Variants in PTGDS observed in about 807,000 individuals in gnomAD.
PTGDS encodes the protein prostaglandin-H2 D-isomerase.
In PTGDS, 21 loss-of-function variants were observed where a neutral mutation model predicts 28.4. That is an observed-to-expected ratio of 0.74 (90% CI 0.52 to 1.07). The LOEUF (loss-of-function observed/expected upper bound fraction) is 1.07. Among genes scored for constraint, PTGDS ranks in the 50% least tolerant of loss-of-function variants. The pLI is 0.00. For synonymous variants in PTGDS, 102 were observed against 106.0 expected, an observed-to-expected ratio of 0.96 and a Z score of 0.23; for missense variants, 243 against 247.7, an observed-to-expected ratio of 0.98 and a Z score of 0.13.
chr9:136,979,650 G>C lies in PTGDS; in HGVS notation c.332-296G>C, dbSNP rs139484335. ...CCAGGGGTTTCCTCACTCCCACCTG[G>C]GGAATGGCTCCCACGGGGAAACCTC... On this transcript the variant is annotated intron_variant, in intron 3 of 6. Coordinates refer to ENST00000371625, the MANE Select transcript of PTGDS (RefSeq NM_000954.6). 354 of 620,578 alleles carry C rather than the reference G, an allele frequency of 5.7e-4. 3 individuals carry two copies. The East Asian group carries it at 0.01, about 18-fold the overall frequency. The allele number at this position is 620,578 out of a possible 1,614,324, so 38.4% of individuals were successfully genotyped here.
At chr9:136,977,897 C>T (rs995746949) in intron 1 of PTGDS, among the ~76,000 whole-genome samples, 20 of 152,266 alleles carry the variant, frequency 1.3e-4, no homozygotes, top group African/African-American at 4.1e-4. Context: ...CTGGGCACCG[C>T]GTCCCGTCTC....
At chr9:136,977,873 G>A (rs1419409846) in intron 1 of PTGDS, among the ~76,000 whole-genome samples, 181 bp downstream of exon 1, 3 of 151,972 alleles carry the variant, frequency 2.0e-5, no homozygotes, top group African/African-American at 7.2e-5. Context: ...GAGGCTGCCC[G>A]CGAGAAGCCC....
chr9:136,979,835 G>A, intron 3 of PTGDS, 111 bp from the exon 4 acceptor site: 1 of 1,044,270 alleles, frequency 9.6e-7, no homozygotes, highest in Non-Finnish European at 1.5e-6. Context: ...AGCATCCCGG[G>A]CCAGCCGAGG....
At chr9:136,980,777 G>GA in intron 5 of PTGDS, 56 bp from the exon 6 acceptor site, 4 of 1,613,984 alleles carry the variant, frequency 2.5e-6, no homozygotes, top group Non-Finnish European at 3.4e-6. Flanking sequence ...AGCCCAGTGG[G>GA]AAAATTGGCC....
chr9:136,978,405 C>A (rs1830400842), intron 1 of PTGDS, among the ~76,000 whole-genome samples: 1 of 140,000 alleles, frequency 7.1e-6, no homozygotes, highest in Non-Finnish European at 1.5e-5. Flanking sequence ...GACGGGGGTG[C>A]TGGGTGTCAG....
At chr9:136,979,589 C>T (rs1830423910) in intron 3 of PTGDS, 4 of 801,712 alleles carry the variant, frequency 5.0e-6, no homozygotes, top group Non-Finnish European at 7.7e-6. Flanking sequence ...CCCAAGGCCC[C>T]TCCATATGCC....
In PTGDS at chr9:136,981,354, G is replaced by T. The variant is rs140542991; in HGVS notation, c.*1-225G>T. The stretch of plus-strand genomic sequence containing the variant: ...CACCCCCAGGAGGGAGGCCTAGGCT[G>T]GAGCTGGAGTCTGTGGACCCTGGGG... On this transcript the variant is annotated intron_variant, in intron 6 of 6. Transcript: ENST00000371625. 9.2e-5 allele frequency among the ~76,000 whole-genome samples: 14 copies of T among 152,204 alleles called. No homozygotes were observed. The East Asian group carries it at 2.7e-3, about 29-fold the overall frequency.
At position 136,981,199 on chromosome 9, in the gene PTGDS, C is replaced by T. The variant is rs544101587; in HGVS notation, c.*344C>T. The T allele has an allele frequency of 8.5e-4, 281 of 332,204 alleles. 3 individuals are homozygous for T. The South Asian group carries it at 0.023, about 27-fold the overall frequency. The allele number at this position is 332,204 out of a possible 1,614,324, so 20.6% of individuals were successfully genotyped here. On this transcript the variant is annotated intron_variant, in intron 6 of 6. Transcript: ENST00000371625. ...ACCTGGCAGCAAGGGTGTCTGGCTC[C>T]TGGGCTAGGAGGAAACCAGGGTGGG...
rs1353707200 is a variant in PTGDS, at chr9:136,979,055, G to T, written c.177G>T (p.Lys59Asn). 23 of 1,608,734 alleles carry T rather than the reference G, an allele frequency of 1.4e-5. No homozygotes were observed. The highest frequency in any genetic ancestry group is 2.0e-5 in the Non-Finnish European group (23 of 1,177,446). Residue 59 changes from lysine to asparagine, a missense_variant, in exon 2 of 7, where the codon AAG becomes AAT. Coordinates refer to ENST00000371625, the MANE Select transcript of PTGDS (RefSeq NM_000954.6). ...ASNSSWLREK[K>N]AALSMCKSVV... is the part of the protein sequence containing the mutation. ...ACTCGAGCTGGCTCCGGGAGAAGAA[G>T]GCGGCGTTGTCCATGTGCAAGTCTG...
Position 136,977,594 on chromosome 9 carries a change from A to C in PTGDS, c.16A>C (p.Thr6Pro). 1 of 1,602,326 alleles carries C rather than the reference A, an allele frequency of 6.2e-7. No homozygotes were observed. The highest frequency in any genetic ancestry group is 8.5e-7 in the Non-Finnish European group (1 of 1,175,734). ...CTGCAGGAGAATGGCTACTCATCACACACTGTGGATGGGACTGGCCCTGCT... is the reference window on the plus strand; with the variant it reads ...CTGCAGGAGAATGGCTACTCATCACCCACTGTGGATGGGACTGGCCCTGCT... MATHH[T>P]LWMGLALLGV... Residue 6 changes from threonine (T) to proline (P), a missense_variant, in exon 1 of 7, where the codon ACA (threonine) becomes CCA (proline). Coordinates refer to ENST00000371625, the MANE Select transcript of PTGDS (RefSeq NM_000954.6).
rs762051946 is a variant in PTGDS at position 136,978,974 on chromosome 9, TG to T, written c.115-14del. 1.3e-4 allele frequency: 211 copies of T among 1,598,200 alleles called. 1 individual carries two copies. Among genetic ancestry groups the T allele is most frequent in the Admixed American group, 4.4e-4 (26 of 59,360 alleles). On this transcript the variant is annotated intron_variant, in intron 1 of 6. Transcript: ENST00000371625. ...TCCGGAGGGTCCTGGCCGACGCGGG[TG>T]GGGGTCGCTCGCCGCAGTTCCTGGG...
intron 5 of PTGDS, chr9:136,980,623 A>G (rs1830437150): frequency 1.3e-6 from 2 of 1,518,894 alleles, no homozygotes; most frequent in African/African-American, 2.8e-5. Flanking sequence ...ACAGCCTCCT[A>G]GGGGTGGACA....
chr9:136,979,388 C>A, intron 3 of PTGDS, 89 bp downstream of exon 3: 2 of 1,576,518 alleles, frequency 1.3e-6, no homozygotes, highest in South Asian at 2.3e-5. Context: ...CCGCGGAGAT[C>A]CATGGGGTGG....
In PTGDS at chr9:136,979,323, C is replaced by T. The variant is rs1830420973; in HGVS notation, c.331+24C>T. The T allele has an allele frequency of 3.1e-6, 5 of 1,601,036 alleles. No individual in the cohort carries two copies. In the East Asian group the frequency reaches 1.1e-4, roughly 36 times the overall value. ...CCGTGAGTGGGGCCTCCACCGGCCC[C>T]CTGGGCCCAGCCTGGGGGCGACACT... On this transcript the variant is annotated intron_variant, in intron 3 of 6. Transcript: ENST00000371625.
intron 5 of PTGDS, 28 bp downstream of exon 5, chr9:136,980,312 G>A: frequency 1.2e-6 from 2 of 1,608,290 alleles, no homozygotes; most frequent in Non-Finnish European, 1.7e-6. Context: ...GATGGGGAGA[G>A]GATCAAGGTC....
Position 136,980,281 on chromosome 9 carries a change from A to C in PTGDS, c.547A>C (p.Thr183Pro), listed in dbSNP as rs1376360715. 6.2e-7 allele frequency: 1 copy of C among 1,613,662 alleles called. No homozygotes were observed. Among genetic ancestry groups the C allele is most frequent in the Admixed American group, 1.7e-5 (1 of 60,002 alleles). The stretch of plus-strand genomic sequence containing the variant: ...GGATACCATTGTCTTCCTGCCCCAA[A>C]CCGGTGAGGGGTCCTAATCTGATGG... ...TEDTIVFLPQ[T>P]DKCMTEQ is the part of the protein sequence containing the mutation. Residue 183 changes from threonine to proline, a missense_variant, in exon 5 of 7, where the codon ACC becomes CCC. Transcript: ENST00000371625.
chr9:136,979,342 C>T (rs778013849), intron 3 of PTGDS, 43 bp downstream of exon 3: 7 of 1,589,692 alleles, frequency 4.4e-6, no homozygotes, highest in Admixed American at 3.5e-5. Flanking sequence ...AGCCTGGGGG[C>T]GACACTTGCC....
intron 1 of PTGDS, among the ~76,000 whole-genome samples, chr9:136,978,239 C>G (rs1473569580): frequency 6.6e-6 from 1 of 152,148 alleles, no homozygotes. Context: ...GAAGACCCGC[C>G]CCGATCCCCG....
intron 1 of PTGDS, 94 bp downstream of exon 1, chr9:136,977,786 C>T (rs975550178): frequency 3.4e-6 from 4 of 1,191,224 alleles, no homozygotes; most frequent in Admixed American, 5.3e-5. Context: ...GAGGAGTGAG[C>T]GAAGTCCCGC....
Sources: gnomAD v4.1 joint callset for allele counts (sites outside exome capture counted in the v4.1 genomes callset) on GRCh38, gnomAD v4.1.1 for gene constraint, MANE v1.5 for transcripts, NCBI Gene and HGNC (gene_info 2026-07-23, HGNC 2026-07-21) for gene names.